Variants in SPATA13 observed in about 807,000 individuals in gnomAD.
The protein encoded by SPATA13 is spermatogenesis-associated protein 13.
SPATA13 carries 50 observed loss-of-function variants against 104.0 expected under a neutral mutation model. That is an observed-to-expected ratio of 0.48 (90% confidence interval 0.38 to 0.61). The LOEUF (loss-of-function observed/expected upper bound fraction) is 0.61. SPATA13 is among the 20% of genes least tolerant of loss of function. The pLI, the probability that SPATA13 is intolerant of heterozygous loss-of-function variation, is 0.00. For missense variants in SPATA13, 1,524 were observed against 1,690.6 expected (o/e 0.90, Z 1.73); for synonymous variants, 606 against 667.5 (o/e 0.91, Z 1.42).
At chr13:24,232,968 G>A (rs1488989879) in intron 2 of SPATA13, among the ~76,000 whole-genome samples, 1 of 152,144 alleles carries the variant, frequency 6.6e-6, no homozygotes, top group East Asian at 1.9e-4. Flanking sequence ...TTTCTTCTGT[G>A]TTATTTTCTG....
chr13:24,153,609 A>C (rs1882169907), intron 3 of SPATA13, among the ~76,000 whole-genome samples: 1 of 152,170 alleles, frequency 6.6e-6, no homozygotes, highest in African/African-American at 2.4e-5. Context: ...GCTGCAAGGA[A>C]AACTGTAGGT....
chr13:24,159,312 T>C (rs375793875), upstream of SPATA13, among the ~76,000 whole-genome samples: 29 of 152,330 alleles, frequency 1.9e-4, no homozygotes, highest in East Asian at 7.7e-4. Context: ...ACATGGTCAT[T>C]GTTAAAACTT....
rs10566756 is a variant in SPATA13 at position 24,014,879 on chromosome 13, A to ATTTTTT, written c.-146-2764_-146-2759dup. Among the ~76,000 whole-genome samples, 462 of 78,674 alleles carry ATTTTTT rather than the reference A, an allele frequency of 5.9e-3. 34 individuals carry two copies. The highest frequency in any genetic ancestry group is 9.3e-3 in the Middle Eastern group (1 of 108). 51.6% of individuals were successfully genotyped at this position (78,674 alleles called of 152,430 possible). ...AGGTTCCCTTTTTGGCACTTTCTGG[A>ATTTTTT]TTTTTTTTTTTTTTTTTTTTTTTTT... On this transcript the variant is annotated intron_variant, in intron 2 of 14. Transcript: ENST00000424834.
intron 1 of SPATA13, among the ~76,000 whole-genome samples, chr13:24,221,806 A>ATT (rs35282665): frequency 0.01 from 1,264 of 122,390 alleles, 27 homozygotes; most frequent in African/African-American, 0.017. Context: ...TTACCTCTGA[A>ATT]TTTTTTTTTT....
intron 3 of SPATA13, among the ~76,000 whole-genome samples, chr13:24,091,693 C>T (rs1030198628): frequency 1.3e-5 from 2 of 152,194 alleles, no homozygotes; most frequent in African/African-American, 4.8e-5. Flanking sequence ...CACCTGTAAT[C>T]CCAGGTACTA....
chr13:24,215,925 G>T (rs555062233), intron 1 of SPATA13, among the ~76,000 whole-genome samples: 64 of 152,350 alleles, frequency 4.2e-4, no homozygotes, highest in Non-Finnish European at 8.1e-4. Context: ...GGCATGGGTT[G>T]CAGGCATGAG....
intron 3 of SPATA13, among the ~76,000 whole-genome samples, chr13:24,104,848 C>T (rs1450182865): frequency 6.6e-6 from 1 of 152,228 alleles, no homozygotes; most frequent in Non-Finnish European, 1.5e-5. Context: ...CAGTTTTATT[C>T]ATGCTCACTC....
chr13:24,237,382 A>C (rs1220590), intron 2 of SPATA13, among the ~76,000 whole-genome samples: 6,464 of 151,944 alleles, frequency 0.043, 441 homozygotes, highest in African/African-American at 0.14. Context: ...CAAAACAAAA[A>C]AAACATGCTG....
At chr13:24,220,908 G>T (rs1443705876) in intron 1 of SPATA13, among the ~76,000 whole-genome samples, 1 of 152,186 alleles carries the variant, frequency 6.6e-6, no homozygotes, top group East Asian at 1.9e-4. Flanking sequence ...TTTGCATGGG[G>T]TCAGATTCTG....
At chr13:24,014,934 A>G (rs1471035985) in intron 2 of SPATA13, among the ~76,000 whole-genome samples, 1 of 126,408 alleles carries the variant, frequency 7.9e-6, no homozygotes, top group Non-Finnish European at 1.6e-5. Context: ...TGTGTCGCCC[A>G]GGCTGGAGTG....
intron 3 of SPATA13, among the ~76,000 whole-genome samples, chr13:24,092,056 G>A (rs1190921435): frequency 6.6e-6 from 1 of 152,140 alleles, no homozygotes; most frequent in African/African-American, 2.4e-5. Flanking sequence ...TTTACTCCTT[G>A]GATTGTTACA....
chr13:24,281,054 C>T (rs995774489), intron 4 of SPATA13, among the ~76,000 whole-genome samples: 1 of 148,452 alleles, frequency 6.7e-6, no homozygotes, highest in Non-Finnish European at 1.5e-5. Context: ...TCCCTGCTGC[C>T]CACCCACCCG....
At chr13:24,023,905 A>G (rs1052918624) in intron 3 of SPATA13, among the ~76,000 whole-genome samples, 8 of 152,214 alleles carry the variant, frequency 5.3e-5, no homozygotes, top group African/African-American at 1.9e-4. Flanking sequence ...AGGCCACAGC[A>G]TGGGTGGGGA....
At chr13:24,170,116 A>T (rs1335180822) in intron 1 of SPATA13, among the ~76,000 whole-genome samples, 1 of 152,222 alleles carries the variant, frequency 6.6e-6, no homozygotes, top group Non-Finnish European at 1.5e-5. Context: ...GGCCTCAAAT[A>T]TCTGCAGGGG....
chr13:24,090,460 T>A (rs1230869523), intron 3 of SPATA13, among the ~76,000 whole-genome samples: 1 of 152,160 alleles, frequency 6.6e-6, no homozygotes, highest in African/African-American at 2.4e-5. Context: ...AAACATGAGC[T>A]CCTCCTGACC....
At chr13:24,247,859 C>T (rs892376103) in intron 2 of SPATA13, among the ~76,000 whole-genome samples, 4 of 152,242 alleles carry the variant, frequency 2.6e-5, no homozygotes, top group Admixed American at 6.5e-5. Context: ...GCCTGGGGCC[C>T]GGGGTCTCTT....
intron 2 of SPATA13, among the ~76,000 whole-genome samples, chr13:23,993,189 A>C (rs1392227219): frequency 2.0e-5 from 3 of 152,226 alleles, no homozygotes. Context: ...CCACTGTGGC[A>C]GCTGGGGTTC....
intron 4 of SPATA13, among the ~76,000 whole-genome samples, chr13:24,252,522 T>C (rs1024573153): frequency 4.6e-5 from 7 of 152,176 alleles, no homozygotes; most frequent in Non-Finnish European, 1.0e-4. Flanking sequence ...TGTAACAATA[T>C]GCAACGTGTA....
intron 2 of SPATA13, among the ~76,000 whole-genome samples, chr13:24,005,314 G>A (rs1876171588): frequency 6.6e-6 from 1 of 152,210 alleles, no homozygotes; most frequent in African/African-American, 2.4e-5. Context: ...ATTCCTAAAA[G>A]ATACTTGTAT....
Sources: allele counts gnomAD v4.1 joint callset (sites outside exome capture counted in the v4.1 genomes callset), GRCh38; gene constraint gnomAD v4.1.1; transcripts MANE v1.5; gene names NCBI Gene and HGNC (gene_info 2026-07-23, HGNC 2026-07-21).